The following RPS6KC1 variants were observed in gnomAD, a reference collection of about 807,000 sequenced individuals.
RPS6KC1 encodes the protein inactive ribosomal protein S6 kinase delta-1.
Under a neutral mutation model 103.8 loss-of-function variants are expected in RPS6KC1, and 54 were observed. That is an observed-to-expected ratio of 0.52 (90% CI 0.42 to 0.65). The LOEUF (loss-of-function observed/expected upper bound fraction) is 0.65, where lower values mean the gene tolerates loss of function less well. Ranked by LOEUF, RPS6KC1 falls within the 30% of genes least tolerant of loss-of-function variation. The pLI is 0.00. For synonymous variants in RPS6KC1, 439 were observed against 438.7 expected (o/e 1.00, Z -0.01); for missense variants, 1,151 against 1,253.8 (o/e 0.92, Z 1.24).
chr1:213,181,563 T>G (rs766632989), intron 8 of RPS6KC1, among the ~76,000 whole-genome samples: 3 of 152,194 alleles, frequency 2.0e-5, no homozygotes, highest in Non-Finnish European at 2.9e-5. Context: ...CTAAGTAATA[T>G]CTTCTCTGAT....
At chr1:213,854,564 C>CTTTCTTTCTTTCTTTCTT in the RPS6KC1 span, among the ~76,000 whole-genome samples, 56 of 105,744 alleles carry the variant, frequency 5.3e-4, 1 homozygote, top group Non-Finnish European at 8.0e-4. Context: ...TTCTTTCTTT[C>CTTTCTTTCTTTCTTTCTT]TCTCTCTCTC....
chr1:213,552,167 G>T, the RPS6KC1 span, among the ~76,000 whole-genome samples: 2 of 152,168 alleles, frequency 1.3e-5, no homozygotes, highest in Non-Finnish European at 2.9e-5. Flanking sequence ...AAACATCTGT[G>T]TGCAGGTTTC....
the RPS6KC1 span, among the ~76,000 whole-genome samples, chr1:213,545,606 C>T: frequency 6.6e-6 from 1 of 151,880 alleles, no homozygotes; most frequent in African/African-American, 2.4e-5. Flanking sequence ...CCTTCATGAC[C>T]TCATTTTAGC....
At chr1:213,343,440 T>TACATACAC in the RPS6KC1 span, among the ~76,000 whole-genome samples, 1 of 80,382 alleles carries the variant, frequency 1.2e-5, no homozygotes, top group Non-Finnish European at 2.5e-5. Context: ...TATATATATA[T>TACATACAC]ACATACCATG....
the RPS6KC1 span, among the ~76,000 whole-genome samples, chr1:213,806,249 G>A: frequency 4.8e-4 from 73 of 152,166 alleles, no homozygotes; most frequent in Middle Eastern, 3.4e-3. Context: ...GGAGAATGGC[G>A]TGAACCTGGG....
chr1:213,708,530 A>C, the RPS6KC1 span, among the ~76,000 whole-genome samples: 1 of 152,104 alleles, frequency 6.6e-6, no homozygotes, highest in Non-Finnish European at 1.5e-5. Flanking sequence ...TTTCTATTTG[A>C]ATATGCTTTA....
At chr1:213,417,378 C>T in the RPS6KC1 span, among the ~76,000 whole-genome samples, 6 of 152,306 alleles carry the variant, frequency 3.9e-5, no homozygotes, top group Non-Finnish European at 5.9e-5. Flanking sequence ...TTTCAAACCA[C>T]GCAATGCCCC....
chr1:213,731,311 C>T, the RPS6KC1 span: 2 of 152,112 alleles, frequency 1.3e-5, no homozygotes, highest in African/African-American at 4.8e-5. Context: ...AATGGAATAC[C>T]ATTGAATCTA....
the RPS6KC1 span, among the ~76,000 whole-genome samples, chr1:213,500,024 A>T: frequency 2.6e-5 from 4 of 152,216 alleles, no homozygotes; most frequent in Admixed American, 2.6e-4. Context: ...CTTTATAAGG[A>T]CTATACACTT....
the RPS6KC1 span, among the ~76,000 whole-genome samples, chr1:213,540,654 G>A: frequency 3.3e-5 from 5 of 152,308 alleles, no homozygotes; most frequent in African/African-American, 1.2e-4. Context: ...TCTGGTCACA[G>A]TTTTTAAAAA....
chr1:213,287,747 A>T, the RPS6KC1 span, among the ~76,000 whole-genome samples: 1 of 152,130 alleles, frequency 6.6e-6, no homozygotes, highest in Non-Finnish European at 1.5e-5. Flanking sequence ...GTGAGATGTT[A>T]TGTAGTATTA....
chr1:213,356,701 A>T, the RPS6KC1 span, among the ~76,000 whole-genome samples: 1 of 152,192 alleles, frequency 6.6e-6, no homozygotes, highest in Non-Finnish European at 1.5e-5. Flanking sequence ...ATAACGTCAT[A>T]GACATGTCTG....
chr1:213,150,902 G>T (rs192148911), intron 6 of RPS6KC1, among the ~76,000 whole-genome samples: 6,645 of 151,840 alleles, frequency 0.044, 463 homozygotes, highest in African/African-American at 0.15. Flanking sequence ...GGGCAGAGGC[G>T]CCCCTCACCT....
rs567277422 is a variant in RPS6KC1 at position 213,242,808 on chromosome 1, G to A, written c.2911+150G>A. The A allele has an allele frequency of 6.8e-6, 4 of 591,724 alleles. No homozygotes were observed. In the African/African-American group the frequency reaches 7.5e-5, roughly 11 times the overall value. The allele number at this position is 591,724 out of a possible 1,614,324, so 36.7% of individuals were successfully genotyped here. A position where few individuals can be genotyped will look rare whatever the true frequency, so the allele number is the denominator to read the frequency against. On this transcript the variant is annotated intron_variant, in intron 12 of 14. Transcript: ENST00000366960. Reference sequence around the variant, plus strand: ...TTTAACCCTTCAAAAAAGAAAATTTGGGGCTAAACCAATTAAGTAATTCAT... The same window carrying A: ...TTTAACCCTTCAAAAAAGAAAATTTAGGGCTAAACCAATTAAGTAATTCAT...
intron 8 of RPS6KC1, among the ~76,000 whole-genome samples, chr1:213,179,220 G>A (rs1316516179): frequency 6.6e-6 from 1 of 152,006 alleles, no homozygotes; most frequent in African/African-American, 2.4e-5. Context: ...TTCAAGACTA[G>A]CCTAGCCAAT....
At chr1:213,422,010 T>C in the RPS6KC1 span, among the ~76,000 whole-genome samples, 1 of 152,232 alleles carries the variant, frequency 6.6e-6, no homozygotes, top group Non-Finnish European at 1.5e-5. Flanking sequence ...TTTTTTTTGG[T>C]ATTATTTTTT....
At chr1:213,494,649 A>C in the RPS6KC1 span, among the ~76,000 whole-genome samples, 10 of 152,196 alleles carry the variant, frequency 6.6e-5, no homozygotes, top group East Asian at 1.9e-3. Context: ...GAGCAAGAAA[A>C]TGATCGAAGT....
At position 213,131,900 on chromosome 1, in the gene RPS6KC1, A is replaced by G. The variant is rs1250482608; in HGVS notation, c.835+2011A>G. On this transcript the variant is annotated intron_variant, in intron 6 of 14. Coordinates refer to ENST00000366960, the MANE Select transcript of RPS6KC1 (RefSeq NM_012424.6). Reference sequence around the variant, plus strand: ...ACATTTTTTCCATTTGTTTTCAGAGAATTATGTGCTAAAACATCACTGGTG... The same window carrying G: ...ACATTTTTTCCATTTGTTTTCAGAGGATTATGTGCTAAAACATCACTGGTG... Among the ~76,000 whole-genome samples, 8 of 152,340 alleles carry G rather than the reference A, an allele frequency of 5.3e-5. No individual in the cohort carries two copies. In the East Asian group the frequency reaches 1.5e-3, roughly 29 times the overall value.
chr1:213,662,778 G>A, the RPS6KC1 span, among the ~76,000 whole-genome samples: 8 of 152,228 alleles, frequency 5.3e-5, no homozygotes, highest in East Asian at 1.2e-3. Flanking sequence ...GCTCACTGTG[G>A]TCTTTTCCAT....
Sources: gnomAD v4.1 joint callset for allele counts (sites outside exome capture counted in the v4.1 genomes callset) on GRCh38, gnomAD v4.1.1 for gene constraint, MANE v1.5 for transcripts, NCBI Gene and HGNC (gene_info 2026-07-23, HGNC 2026-07-21) for gene names.